The following GLRA3 variants were observed in gnomAD, a reference collection of about 807,000 sequenced individuals.
GLRA3 encodes glycine receptor alpha 3, also known as glycine receptor subunit alpha-3.
A neutral mutation model predicts 60.4 loss-of-function variants in GLRA3; 44 were observed. The observed-to-expected ratio is 0.73, with a 90% confidence interval of 0.57 to 0.94. The LOEUF (loss-of-function observed/expected upper bound fraction) is 0.94, where lower values mean the gene tolerates loss of function less well. GLRA3 is among the 40% of genes least tolerant of loss of function. The pLI, the probability that GLRA3 is intolerant of heterozygous loss-of-function variation, is 0.00. For missense variants in GLRA3, 508 were observed against 564.6 expected (o/e 0.90, Z 1.02); for synonymous variants, 223 against 192.9 (o/e 1.16, Z -1.29).
At position 174,682,791 on chromosome 4, in the gene GLRA3, T is replaced by A. The variant is rs757247848; in HGVS notation, c.712+11A>T. 2.5e-6 allele frequency: 4 copies of A among 1,601,156 alleles called. No homozygotes were observed. The highest frequency in any genetic ancestry group is 3.4e-6 in the Non-Finnish European group (4 of 1,169,288). On this transcript the variant is annotated intron_variant, in intron 6 of 9. Coordinates refer to ENST00000274093, the MANE Select transcript of GLRA3 (RefSeq NM_006529.4). ...AAGTAGTAAGTGTAAAGAACACTACTCAACCCCTACCTGTATTGTAATGTT... is the reference window on the plus strand; with the variant it reads ...AAGTAGTAAGTGTAAAGAACACTACACAACCCCTACCTGTATTGTAATGTT...
chr4:174,702,145 C>T (rs890796405), intron 5 of GLRA3, among the ~76,000 whole-genome samples: 12 of 152,112 alleles, frequency 7.9e-5, no homozygotes, highest in Admixed American at 3.3e-4. Flanking sequence ...AAACTACATT[C>T]TTGTCTAATT....
chr4:174,675,745 T>C (rs10022789), intron 7 of GLRA3, among the ~76,000 whole-genome samples: 26,286 of 152,124 alleles, frequency 0.17, 2,557 homozygotes, highest in African/African-American at 0.26. Context: ...ATACAATTAA[T>C]TGTTAATAAA....
chr4:174,670,109 T>C (rs911933671), intron 7 of GLRA3, among the ~76,000 whole-genome samples: 1 of 152,204 alleles, frequency 6.6e-6, no homozygotes, highest in Non-Finnish European at 1.5e-5. Context: ...AACACTGATA[T>C]GAAATTGTCA....
intron 5 of GLRA3, among the ~76,000 whole-genome samples, chr4:174,701,674 A>T (rs543765492): frequency 1.3e-5 from 2 of 152,334 alleles, no homozygotes; most frequent in South Asian, 4.1e-4. Context: ...AAAAACATTC[A>T]TGATTCGGGG....
At chr4:174,739,525 A>G (rs929263939) in intron 3 of GLRA3, among the ~76,000 whole-genome samples, 1 of 152,178 alleles carries the variant, frequency 6.6e-6, no homozygotes, top group African/African-American at 2.4e-5. Context: ...AATGTTCTCA[A>G]TTAGATTAAA....
At chr4:174,760,375 A>G (rs568288473) in intron 3 of GLRA3, among the ~76,000 whole-genome samples, 1 of 152,354 alleles carries the variant, frequency 6.6e-6, no homozygotes, top group African/African-American at 2.4e-5. Flanking sequence ...AGGTGCTTCA[A>G]ACAGAATGAC....
chr4:174,778,590 A>T (rs968287401), intron 2 of GLRA3, among the ~76,000 whole-genome samples: 8 of 152,294 alleles, frequency 5.3e-5, no homozygotes, highest in Non-Finnish European at 7.4e-5. Flanking sequence ...GGGGAGTGCC[A>T]GACAGTGGGC....
intron 2 of GLRA3, among the ~76,000 whole-genome samples, chr4:174,778,467 G>GA (rs750440637): frequency 6.6e-6 from 1 of 152,088 alleles, no homozygotes; most frequent in Non-Finnish European, 1.5e-5. Context: ...ACACAGGGGG[G>GA]ATGAGCCAAG....
intron 9 of GLRA3, among the ~76,000 whole-genome samples, chr4:174,652,929 C>T (rs1249478175): frequency 6.6e-6 from 1 of 152,044 alleles, no homozygotes; most frequent in African/African-American, 2.4e-5. Flanking sequence ...AAACATTAAG[C>T]ATCTAGAACA....
intron 4 of GLRA3, among the ~76,000 whole-genome samples, chr4:174,718,030 T>C (rs1288074598): frequency 6.6e-6 from 1 of 152,202 alleles, no homozygotes; most frequent in African/African-American, 2.4e-5. Context: ...AAAGAGACAT[T>C]ACATAATTCT....
chr4:174,827,468 C>A (rs925016993), intron 1 of GLRA3, among the ~76,000 whole-genome samples: 8 of 151,556 alleles, frequency 5.3e-5, no homozygotes, highest in African/African-American at 1.9e-4. Context: ...TATATTTTAA[C>A]ATTAAGTTTG....
chr4:174,659,190 T>C lies in GLRA3; in HGVS notation c.935A>G (p.Tyr312Cys). Residue 312 changes from tyrosine (Y) to cysteine (C), a missense_variant, in exon 8 of 10, where the codon TAT becomes TGT. Tyr to Cys is a radical substitution (Grantham distance 194, BLOSUM62 -2). Transcript: ENST00000274093. ...GSRASLPKVS[Y>C]VKAIDIWMAV... ...CATCCAAATATCAATAGCTTTGACA[T>C]ATGAAACCTAGCCAAGAGAGAAAGA... The C allele has an allele frequency of 6.2e-7, 1 of 1,610,454 alleles. No homozygotes were observed. The highest frequency in any genetic ancestry group is 8.5e-7 in the Non-Finnish European group (1 of 1,178,306).
chr4:174,812,354 G>C (rs1236257090), intron 1 of GLRA3, among the ~76,000 whole-genome samples: 2 of 152,044 alleles, frequency 1.3e-5, no homozygotes, highest in Non-Finnish European at 2.9e-5. Flanking sequence ...TATTGAACCA[G>C]CAGAGTAGGG....
At chr4:174,740,710 T>A (rs1191851673) in intron 3 of GLRA3, among the ~76,000 whole-genome samples, 1 of 152,226 alleles carries the variant, frequency 6.6e-6, no homozygotes, top group East Asian at 1.9e-4. Flanking sequence ...ACAGGCAGGT[T>A]ACAGAATAGA....
At position 174,638,356 on chromosome 4, in the gene GLRA3, G is replaced by C. The variant is rs565047851; in HGVS notation, c.*5430C>G. ...CACCCAGTTTGGAGTGCAGTGGTGC[G>C]ATCTTGGCTCACTGCAACCTCCATC... is the stretch of plus-strand genomic sequence containing the variant. On this transcript the variant is annotated 3_prime_UTR_variant, in exon 10 of 10. Coordinates refer to ENST00000274093, the MANE Select transcript of GLRA3 (RefSeq NM_006529.4). 1 of 152,162 alleles carries C rather than the reference G, an allele frequency of 6.6e-6. No homozygotes were observed. The highest frequency in any genetic ancestry group is 1.5e-5 in the Non-Finnish European group (1 of 68,070). The allele number at this position is 152,162 out of a possible 1,614,324, so 9.4% of individuals were successfully genotyped here. A position where few individuals can be genotyped will look rare whatever the true frequency, so the allele number is the denominator to read the frequency against.
intron 1 of GLRA3, among the ~76,000 whole-genome samples, chr4:174,815,783 TC>T (rs1740472971): frequency 6.6e-6 from 1 of 152,142 alleles, no homozygotes; most frequent in African/African-American, 2.4e-5. Flanking sequence ...CATTGTTTCC[TC>T]CTAAACCTCC....
At chr4:174,788,670 C>T (rs1579609861) in intron 2 of GLRA3, 146 bp downstream of exon 2, 3 of 252,178 alleles carry the variant, frequency 1.2e-5, no homozygotes, top group South Asian at 7.9e-5. Context: ...GAATGGATTT[C>T]TTTTTCAAGA....
chr4:174,655,836 C>G (rs1733174330), intron 9 of GLRA3, among the ~76,000 whole-genome samples: 1 of 151,950 alleles, frequency 6.6e-6, no homozygotes, highest in Admixed American at 6.6e-5. Flanking sequence ...TATAAGAGAA[C>G]GTAGCAAGTA....
chr4:174,738,454 T>C (rs1169349310), intron 3 of GLRA3, among the ~76,000 whole-genome samples: 2 of 152,212 alleles, frequency 1.3e-5, no homozygotes, highest in Non-Finnish European at 2.9e-5. Flanking sequence ...AAAAGATAGG[T>C]TGCAAAATTT....
Sources: gnomAD v4.1 joint callset for allele counts (sites outside exome capture counted in the v4.1 genomes callset) on GRCh38, gnomAD v4.1.1 for gene constraint, MANE v1.5 for transcripts, NCBI Gene and HGNC (gene_info 2026-07-23, HGNC 2026-07-21) for gene names.